LTBP3: variants seen among roughly 807,000 people sequenced by gnomAD.
LTBP3 encodes latent transforming growth factor beta binding protein 3.
Under a neutral mutation model 159.7 loss-of-function variants are expected in LTBP3, and 97 were observed. The observed-to-expected ratio is 0.61, with a 90% CI of 0.52 to 0.72. The LOEUF (loss-of-function observed/expected upper bound fraction) is 0.72, where lower values mean the gene tolerates loss of function less well. LTBP3 is among the 30% of genes least tolerant of loss of function. The pLI, the probability that LTBP3 is intolerant of heterozygous loss-of-function variation, is 0.00. For missense variants in LTBP3, 1,584 were observed against 1,864.3 expected, an observed-to-expected ratio of 0.85 and a Z score of 2.77; for synonymous variants, 824 against 777.1, an observed-to-expected ratio of 1.06 and a Z score of -1.00.
Position 65,556,227 on chromosome 11 carries a change from T to A in LTBP3, c.331+1402A>T, listed in dbSNP as rs1856808567. 1.3e-5 allele frequency among the ~76,000 whole-genome samples: 2 copies of A among 152,132 alleles called. 1 individual carries two copies. The highest frequency in any genetic ancestry group is 1.3e-4 in the Admixed American group (2 of 15,274). On this transcript the variant is annotated intron_variant, in intron 1 of 27. Transcript: ENST00000301873. ...ATCCTGACACCAACACAGGTTCACA[T>A]AAACATTCCCATACATTTGGCCGGG...
rs1457791262 is a variant in LTBP3 at position 65,553,501 on chromosome 11, G to A, written c.894C>T (p.Thr298=). 1 of 1,612,048 alleles carries A rather than the reference G, an allele frequency of 6.2e-7. No homozygotes were observed. The highest frequency in any genetic ancestry group is 8.5e-7 in the Non-Finnish European group (1 of 1,179,708). The change falls in exon 4 of 28, where the codon ACC becomes ACT. Residue 298 remains threonine (T), a synonymous_variant. Transcript: ENST00000301873. This position sits in a 1 kb window ranked among gnomAD's most constrained non-coding sequence, Gnocchi z 6.5. ...TGCTACCGCAGCAGTCTTCCTGCTTGGTGAGGCCGGGGAGGGGGTTGCTGC... is the reference window on the plus strand; with the variant it reads ...TGCTACCGCAGCAGTCTTCCTGCTTAGTGAGGCCGGGGAGGGGGTTGCTGC... The part of the protein sequence containing the change: ...PCGSNPLPGL[T]KQEDCCGSIG...
rs1021285127 is a variant in LTBP3, at chr11:65,539,392, C to T, written c.3696G>A (p.Pro1232=). 4.5e-5 allele frequency: 69 copies of T among 1,546,752 alleles called. No individual in the cohort carries two copies. The highest frequency in any genetic ancestry group is 5.8e-5 in the Non-Finnish European group (66 of 1,144,862). The change falls in exon 27 of 28, where the codon CCG becomes CCA. Residue 1232 remains proline, a synonymous_variant. Transcript: ENST00000301873. ...CGGGACACTCGCACACGGCGCCGCC[C>T]GGCCGCGGCACGCAGCGGCCACTCA... ...RCVSGRCVPR[P]GGAVCECPGG...
In LTBP3 at chr11:65,539,893, A is replaced by G. The variant is rs1328591471; in HGVS notation, c.3386-12T>C. ...CTCCGGGGCACGCTCTGCGGAAGACACCTGGCATCAGGGGAGGGGCCCAAG... is the reference window on the plus strand; with the variant it reads ...CTCCGGGGCACGCTCTGCGGAAGACGCCTGGCATCAGGGGAGGGGCCCAAG... On this transcript the variant is annotated splice_polypyrimidine_tract_variant and intron_variant, in intron 24 of 27. Coordinates refer to ENST00000301873, the MANE Select transcript of LTBP3 (RefSeq NM_001130144.3). 3.3e-6 allele frequency: 5 copies of G among 1,506,968 alleles called. No homozygotes were observed. The highest frequency in any genetic ancestry group is 4.4e-6 in the Non-Finnish European group (5 of 1,135,002). The allele number at this position is 1,506,968 out of a possible 1,614,324, so 93.3% of individuals were successfully genotyped here.
At position 65,539,841 on chromosome 11, in the gene LTBP3, G is replaced by GCAGACAT. The variant is rs1855992286; in HGVS notation, c.3425_3426insATGTCTG (p.Gly1143CysfsTer71). The GCAGACAT allele has an allele frequency of 6.6e-7, 1 of 1,525,180 alleles. No individual in the cohort carries two copies. Among genetic ancestry groups the GCAGACAT allele is most frequent in the East Asian group, 2.5e-5 (1 of 39,670 alleles). The allele number at this position is 1,525,180 out of a possible 1,614,324, so 94.5% of individuals were successfully genotyped here. A position where few individuals can be genotyped will look rare whatever the true frequency, so the allele number is the denominator to read the frequency against. On this transcript the variant is annotated frameshift_variant, in exon 25 of 28. Transcript: ENST00000301873. LOFTEE classifies it high-confidence loss of function. ...GGCCAGCGCACATGCCGTCCTCTCC[G>GCAGACAT]CGCTGGCTCCAGCACACGTCGCGCC...
Position 65,552,899 on chromosome 11 carries a change from G to C in LTBP3, c.1147C>G (p.Pro383Ala). The stretch of plus-strand genomic sequence containing the variant: ...CGGGAGGGGCCTAAACTATGGCCAG[G>C]TGGGCAGACACAGCGATAGGAGCCA... ...NPGSYRCVCPPGHSLGPSRTQ... is the reference protein window; with the variant it reads ...NPGSYRCVCPAGHSLGPSRTQ... Residue 383 changes from proline (P) to alanine (A), a missense_variant, in exon 6 of 28, where the codon CCT becomes GCT. Coordinates refer to ENST00000301873, the MANE Select transcript of LTBP3 (RefSeq NM_001130144.3). The surrounding 1 kb of genome is among the most constrained non-coding windows in gnomAD (Gnocchi z 6.0). The C allele has an allele frequency of 1.9e-6, 3 of 1,614,248 alleles. No individual in the cohort carries two copies. Among genetic ancestry groups the C allele is most frequent in the Non-Finnish European group, 1.7e-6 (2 of 1,180,036 alleles).
intron 1 of LTBP3, among the ~76,000 whole-genome samples, chr11:65,557,302 C>T (rs76639595): frequency 0.015 from 2,283 of 152,194 alleles, 73 homozygotes; most frequent in African/African-American, 0.053. Context: ...GTCCCCGGCT[C>T]ACATTCCTCA....
At position 65,554,307 on chromosome 11, in the gene LTBP3, G is replaced by A; in HGVS notation, c.405C>T (p.Phe135=). 6.2e-7 allele frequency: 1 copy of A among 1,612,008 alleles called. No individual in the cohort carries two copies. The highest frequency in any genetic ancestry group is 8.5e-7 in the Non-Finnish European group (1 of 1,179,684). The part of the protein sequence containing the change: ...SRNQCLCPPD[F]TGRFCQVPAG... ...CGGGCACCTGGCAGAAGCGCCCAGT[G>A]AAGTCCGGGGGACACAGGCACTGGT... The change falls in exon 2 of 28, where the codon TTC becomes TTT. Residue 135 remains phenylalanine, a synonymous_variant. Transcript: ENST00000301873. This position sits in a 1 kb window ranked among gnomAD's most constrained non-coding sequence, Gnocchi z 5.3.
At chr11:65,550,981 G>A (rs1856587637) in intron 11 of LTBP3, 145 bp downstream of exon 11, 1 of 716,172 alleles carries the variant, frequency 1.4e-6, no homozygotes, top group Admixed American at 2.0e-5. Flanking sequence ...TGGGATCTCT[G>A]GTGCTCACCA....
chr11:65,551,882 G>A, intron 8 of LTBP3, 90 bp downstream of exon 8: 1 of 1,422,880 alleles, frequency 7.0e-7, no homozygotes, highest in South Asian at 1.2e-5. Flanking sequence ...TTGGGGGTTA[G>A]ACTGTGAGGT....
chr11:65,550,778 T>C (rs1471282193), intron 11 of LTBP3, among the ~76,000 whole-genome samples: 3 of 151,200 alleles, frequency 2.0e-5, no homozygotes, highest in Non-Finnish European at 4.4e-5. Flanking sequence ...GAGCCGAGAT[T>C]GCGCCACTGC....
chr11:65,538,810 G>A lies in LTBP3; in HGVS notation c.*270C>T, dbSNP rs965344961. 9 of 838,028 alleles carry A rather than the reference G, an allele frequency of 1.1e-5. No homozygotes were observed. In the East Asian group the frequency reaches 2.4e-4, roughly 22 times the overall value. The allele number at this position is 838,028 out of a possible 1,614,324, so 51.9% of individuals were successfully genotyped here. ...ACGTGAACATCAATTTGCTTCGAAA[G>A]CCAAGGGTAAAGAGGCACGATCTGA... On this transcript the variant is annotated 3_prime_UTR_variant, in exon 28 of 28. Transcript: ENST00000301873.
At position 65,547,726 on chromosome 11, in the gene LTBP3, G is replaced by C; in HGVS notation, c.1942C>G (p.Arg648Gly). The C allele has an allele frequency of 6.2e-7, 1 of 1,605,878 alleles. No individual in the cohort carries two copies. Among genetic ancestry groups the C allele is most frequent in the Non-Finnish European group, 8.5e-7 (1 of 1,177,348 alleles). ...CGCCCCCCGGCGCCCACGTGCAGGC[G>C]GTAGCCGCGGTTGCAGTGGCAATTG... ...SYNCHCNRGYRLHVGAGGRSC... is the reference protein window; with the variant it reads ...SYNCHCNRGYGLHVGAGGRSC... The change falls in exon 13 of 28, where the codon CGC becomes GGC. Residue 648 changes from arginine to glycine, a missense_variant. Arg to Gly is a moderately radical substitution (Grantham distance 125). This residue lies in a region of LTBP3 where 565 missense variants were observed against 677.7 expected (regional missense o/e 0.83). Transcript: ENST00000301873. This position sits in a 1 kb window ranked among gnomAD's most constrained non-coding sequence, Gnocchi z 4.6.
At chr11:65,545,761 G>GT (rs1856336643) in intron 16 of LTBP3, 1 of 201,564 alleles carries the variant, frequency 5.0e-6, no homozygotes, top group African/African-American at 2.3e-5. Flanking sequence ...AATGCTGCAG[G>GT]TGCCCTCTAA....
At position 65,552,489 on chromosome 11, in the gene LTBP3, C is replaced by T. The variant is rs1160790364; in HGVS notation, c.1187-83G>A. On this transcript the variant is annotated intron_variant, in intron 6 of 27. Coordinates refer to ENST00000301873, the MANE Select transcript of LTBP3 (RefSeq NM_001130144.3). The surrounding 1 kb of genome is among the most constrained non-coding windows in gnomAD (Gnocchi z 6.0). Reference sequence around the variant, plus strand: ...TGCCCAGCTGCTGCAGACCTTGCCTCTCCGGCCCAGACAACCCTTGATCCC... The same window carrying T: ...TGCCCAGCTGCTGCAGACCTTGCCTTTCCGGCCCAGACAACCCTTGATCCC... 2.4e-5 allele frequency: 37 copies of T among 1,552,336 alleles called. No homozygotes were observed. Among genetic ancestry groups the T allele is most frequent in the Non-Finnish European group, 3.0e-5 (34 of 1,143,070 alleles).
chr11:65,553,759 C>A lies in LTBP3; in HGVS notation c.806G>T (p.Arg269Leu). The part of the protein sequence containing the change: ...LLPHPKPSHP[R>L]PPTQKPLGRC... Reference sequence around the variant, plus strand: ...GCCCAGGGGCTTCTGGGTGGGCGGCCGGGGGTGCGAGGGCTTGGGGTGCGG... The same window carrying A: ...GCCCAGGGGCTTCTGGGTGGGCGGCAGGGGGTGCGAGGGCTTGGGGTGCGG... The change falls in exon 3 of 28, where the codon CGG becomes CTG. Residue 269 changes from arginine (R) to leucine (L), a missense_variant. Coordinates refer to ENST00000301873, the MANE Select transcript of LTBP3 (RefSeq NM_001130144.3). The surrounding 1 kb of genome is among the most constrained non-coding windows in gnomAD (Gnocchi z 6.5). 1 of 1,573,842 alleles carries A rather than the reference C, an allele frequency of 6.4e-7. No individual in the cohort carries two copies. The highest frequency in any genetic ancestry group is 2.3e-5 in the East Asian group (1 of 43,732).
rs1479789458 is a variant in LTBP3, at chr11:65,553,917, C to T, written c.662-14G>A. The T allele has an allele frequency of 6.6e-7, 1 of 1,521,472 alleles. No homozygotes were observed. Among genetic ancestry groups the T allele is most frequent in the Middle Eastern group, 1.9e-4 (1 of 5,172 alleles). The allele number at this position is 1,521,472 out of a possible 1,614,324, so 94.2% of individuals were successfully genotyped here. Reference sequence around the variant, plus strand: ...GCGGGGCCTGCACTGGGGGCGGGCGCGGTGGCCTCAGGGCTGCCCGCACCG... The same window carrying T: ...GCGGGGCCTGCACTGGGGGCGGGCGTGGTGGCCTCAGGGCTGCCCGCACCG... On this transcript the variant is annotated splice_polypyrimidine_tract_variant and intron_variant, in intron 2 of 27. Transcript: ENST00000301873. This position sits in a 1 kb window ranked among gnomAD's most constrained non-coding sequence, Gnocchi z 6.5.
chr11:65,545,572 T>G (rs1246064674), intron 16 of LTBP3: 2 of 230,656 alleles, frequency 8.7e-6, no homozygotes, highest in African/African-American at 2.2e-5. Context: ...GACATCCAGT[T>G]AAAAAACCCA....
chr11:65,556,647 C>T lies in LTBP3; in HGVS notation c.331+982G>A, dbSNP rs554230350. On this transcript the variant is annotated intron_variant, in intron 1 of 27. Transcript: ENST00000301873. ...GCCACGCCATGCCCATGGCATGACC[C>T]CAGACACAGGGGCAATATGCGCACA... 1.6e-4 allele frequency among the ~76,000 whole-genome samples: 25 copies of T among 152,360 alleles called. No individual in the cohort carries two copies. The Middle Eastern group carries it at 0.01, about 62-fold the overall frequency.
chr11:65,539,807 C>T lies in LTBP3; in HGVS notation c.3460G>A (p.Gly1154Arg), dbSNP rs558144911. 4.0e-5 allele frequency: 62 copies of T among 1,537,388 alleles called. No individual in the cohort carries two copies. The African/African-American group carries it at 5.9e-4, about 15-fold the overall frequency. Residue 1154 changes from glycine (G) to arginine (R), a missense_variant, in exon 25 of 28, where the codon GGG becomes AGG. Gly to Arg is a moderately radical substitution (Grantham distance 125, BLOSUM62 -2). Transcript: ENST00000301873. ...EDGMCAGPLAGPALTFDDCCC... is the reference protein window; with the variant it reads ...EDGMCAGPLARPALTFDDCCC... ...CAGTCGTCGAAGGTGAGGGCAGGCCCGGCCAGGGGGCCAGCGCACATGCCG... is the reference window on the plus strand; with the variant it reads ...CAGTCGTCGAAGGTGAGGGCAGGCCTGGCCAGGGGGCCAGCGCACATGCCG...
Sources: allele counts gnomAD v4.1 joint callset (sites outside exome capture counted in the v4.1 genomes callset), GRCh38; gene constraint gnomAD v4.1.1; regional missense constraint gnomAD v4.1.1; non-coding constraint Gnocchi (gnomAD v3.1); transcripts MANE v1.5; gene names NCBI Gene and HGNC (gene_info 2026-07-23, HGNC 2026-07-21).